The following PNPT1 variants were observed in gnomAD, a reference collection of about 807,000 sequenced individuals.
PNPT1 encodes polyribonucleotide nucleotidyltransferase 1, mitochondrial.
In PNPT1, 53 loss-of-function variants were observed where a neutral mutation model predicts 119.5. That is an observed-to-expected ratio of 0.44 (90% confidence interval 0.36 to 0.56). The LOEUF is 0.56. Among genes scored for constraint, PNPT1 ranks in the 20% least tolerant of loss-of-function variants. The pLI, the probability that PNPT1 is intolerant of heterozygous loss-of-function variation, is 0.00. For synonymous variants in PNPT1, 357 were observed against 322.1 expected (o/e 1.11, Z -1.16); for missense variants, 948 against 938.5 (o/e 1.01, Z -0.13).
intron 8 of PNPT1, among the ~76,000 whole-genome samples, chr2:55,673,355 C>A (rs569799824): frequency 6.6e-6 from 1 of 151,404 alleles, no homozygotes; most frequent in Non-Finnish European, 1.5e-5. Context: ...AAAAAGAAAT[C>A]ATGCACATAT....
chr2:55,653,713 T>C (rs1696285572), intron 18 of PNPT1, among the ~76,000 whole-genome samples: 1 of 152,240 alleles, frequency 6.6e-6, no homozygotes. Flanking sequence ...ATTACAAAAG[T>C]ACCTTTTGCA....
chr2:55,655,786 T>C (rs2104070720), intron 17 of PNPT1, among the ~76,000 whole-genome samples: 1 of 152,358 alleles, frequency 6.6e-6, no homozygotes, highest in Non-Finnish European at 1.5e-5. Flanking sequence ...TTATTATTCA[T>C]GTGGATATGT....
chr2:55,686,696 C>A (rs899366556), intron 2 of PNPT1, among the ~76,000 whole-genome samples: 1 of 152,188 alleles, frequency 6.6e-6, no homozygotes, highest in Non-Finnish European at 1.5e-5. Context: ...GTATTCTCTA[C>A]TTCTTATGTG....
rs1697458428 is a variant in PNPT1 at position 55,687,724 on chromosome 2, G to A, written c.162-19C>T. On this transcript the variant is annotated intron_variant, in intron 1 of 27. Transcript: ENST00000447944. ...TAATTTCCTGTTTAAAAATAAAAAT[G>A]CAATACAAGAAGACTTAGGTCATCT... 6.4e-7 allele frequency: 1 copy of A among 1,569,946 alleles called. No homozygotes were observed. The highest frequency in any genetic ancestry group is 8.7e-7 in the Non-Finnish European group (1 of 1,153,304).
intron 13 of PNPT1, among the ~76,000 whole-genome samples, chr2:55,664,801 A>C (rs982898339): frequency 6.6e-6 from 1 of 152,132 alleles, no homozygotes; most frequent in Non-Finnish European, 1.5e-5. Flanking sequence ...AACTTGACTA[A>C]AGAGCATAAA....
intron 18 of PNPT1, among the ~76,000 whole-genome samples, chr2:55,654,043 G>A (rs567950523): frequency 6.6e-6 from 1 of 152,246 alleles, no homozygotes; most frequent in South Asian, 2.1e-4. Flanking sequence ...TGGATCACGA[G>A]GTCAGGAGTT....
chr2:55,672,846 TA>T, intron 9 of PNPT1, 46 bp downstream of exon 9: 1 of 1,518,248 alleles, frequency 6.6e-7, no homozygotes, highest in Non-Finnish European at 8.9e-7. Flanking sequence ...ACGAGGAAAT[TA>T]AATCTGATGA....
intron 2 of PNPT1, among the ~76,000 whole-genome samples, chr2:55,687,072 G>C (rs1697429766): frequency 6.6e-6 from 1 of 152,046 alleles, no homozygotes; most frequent in Admixed American, 6.6e-5. Context: ...AAATTAGCTG[G>C]GCGTGGTGGC....
At chr2:55,666,281 C>T (rs1028485099) in intron 13 of PNPT1, among the ~76,000 whole-genome samples, 1 of 152,064 alleles carries the variant, frequency 6.6e-6, no homozygotes. Context: ...TTTTAAGAGA[C>T]AGGGTCTGGC....
intron 14 of PNPT1, 89 bp from the exon 15 acceptor site, chr2:55,660,282 T>C: frequency 1.5e-6 from 2 of 1,356,346 alleles, no homozygotes; most frequent in South Asian, 1.5e-5. Context: ...AAGGGGATTT[T>C]ACAAAAGAAC....
At chr2:55,664,543 A>C (rs1696677103) in intron 13 of PNPT1, among the ~76,000 whole-genome samples, 1 of 152,244 alleles carries the variant, frequency 6.6e-6, no homozygotes. Context: ...ACAGCTAAAA[A>C]ATAAATAGGC....
chr2:55,679,653 G>A (rs1242806859), intron 8 of PNPT1, 29 bp downstream of exon 8: 7 of 1,446,624 alleles, frequency 4.8e-6, no homozygotes, highest in Non-Finnish European at 6.8e-6. Context: ...GTAAAATCCA[G>A]AACAAATGTG....
intron 8 of PNPT1, among the ~76,000 whole-genome samples, chr2:55,677,021 A>C (rs1219787171): frequency 6.6e-6 from 1 of 152,222 alleles, no homozygotes; most frequent in Non-Finnish European, 1.5e-5. Flanking sequence ...AGGGGTTAAA[A>C]TGCATATTTG....
intron 8 of PNPT1, among the ~76,000 whole-genome samples, chr2:55,675,775 C>A (rs750763643): frequency 6.6e-6 from 1 of 152,094 alleles, no homozygotes; most frequent in African/African-American, 2.4e-5. Context: ...TAACTACTAG[C>A]CACATATGGC....
intron 8 of PNPT1, among the ~76,000 whole-genome samples, chr2:55,675,102 A>G (rs115114810): frequency 0.011 from 1,679 of 151,910 alleles, 13 homozygotes; most frequent in Non-Finnish European, 0.019. Context: ...CCCTAAAAAG[A>G]TAACAACTAG....
At chr2:55,656,401 AT>A in intron 15 of PNPT1, 30 bp from the exon 16 acceptor site, 1 of 1,539,918 alleles carries the variant, frequency 6.5e-7, no homozygotes, top group Non-Finnish European at 8.8e-7. Context: ...AAACACACAT[AT>A]ACAATTGACA....
chr2:55,654,638 C>T (rs1241306399), intron 18 of PNPT1, among the ~76,000 whole-genome samples: 1 of 152,194 alleles, frequency 6.6e-6, no homozygotes, highest in East Asian at 1.9e-4. Context: ...TTGCCTCTGG[C>T]TTGATTTGGC....
chr2:55,656,040 T>C, intron 17 of PNPT1, 91 bp downstream of exon 17: 16 of 1,472,880 alleles, frequency 1.1e-5, no homozygotes, highest in Non-Finnish European at 1.4e-5. Context: ...TCTGTAGTAA[T>C]AAACAAAATG....
intron 15 of PNPT1, among the ~76,000 whole-genome samples, chr2:55,657,523 G>A (rs1017975313): frequency 6.6e-6 from 1 of 151,396 alleles, no homozygotes; most frequent in Non-Finnish European, 1.5e-5. Context: ...AAGTAGCTGG[G>A]ATTACAGGCA....
Sources: gnomAD v4.1 joint callset for allele counts (sites outside exome capture counted in the v4.1 genomes callset) on GRCh38, gnomAD v4.1.1 for gene constraint, MANE v1.5 for transcripts, NCBI Gene and HGNC (gene_info 2026-07-23, HGNC 2026-07-21) for gene names.